The following SIK3 variants were observed in gnomAD, a reference collection of about 807,000 sequenced individuals.
SIK3 encodes the protein serine/threonine-protein kinase SIK3.
In SIK3, 28 loss-of-function variants were observed where a neutral mutation model predicts 144.2. The ratio of observed to expected loss-of-function variants is 0.19; its 90% confidence interval spans 0.14 to 0.27. The LOEUF (loss-of-function observed/expected upper bound fraction) is 0.27, where lower values mean the gene tolerates loss of function less well. SIK3 is among the 10% of genes least tolerant of loss of function. SIK3 has a pLI of 1.00. For synonymous variants in SIK3, 686 were observed against 676.3 expected (o/e 1.01, Z -0.22); for missense variants, 1,319 against 1,776.0 (o/e 0.74, Z 4.62).
At chr11:116,976,298 G>A (rs962868521) in intron 1 of SIK3, among the ~76,000 whole-genome samples, 30 of 152,114 alleles carry the variant, frequency 2.0e-4, no homozygotes. Context: ...AATCAGGAAG[G>A]TTTGCTCGTA....
intron 4 of SIK3, among the ~76,000 whole-genome samples, chr11:116,902,834 T>A (rs938103775): frequency 9.9e-5 from 15 of 152,216 alleles, no homozygotes; most frequent in Non-Finnish European, 4.4e-5. Flanking sequence ...CAGATTCCTT[T>A]AATTACTGAG....
At chr11:116,965,114 A>C (rs1440094520) in intron 1 of SIK3, among the ~76,000 whole-genome samples, 1 of 152,116 alleles carries the variant, frequency 6.6e-6, no homozygotes, top group East Asian at 1.9e-4. Flanking sequence ...AGCAAAGGAA[A>C]TTTTCTGTGA....
chr11:117,022,606 T>C (rs372984383), intron 1 of SIK3, among the ~76,000 whole-genome samples: 59 of 152,148 alleles, frequency 3.9e-4, no homozygotes, highest in African/African-American at 1.4e-3. Context: ...ATAAACCACA[T>C]TCATCAACTA....
intron 1 of SIK3, among the ~76,000 whole-genome samples, chr11:116,993,862 G>A (rs1422756694): frequency 3.9e-5 from 6 of 152,234 alleles, no homozygotes; most frequent in Admixed American, 3.9e-4. Flanking sequence ...CTTACAGCGT[G>A]ACAGCCAAGC....
chr11:117,029,366 A>T (rs1225791274), intron 1 of SIK3, among the ~76,000 whole-genome samples: 2 of 152,164 alleles, frequency 1.3e-5, no homozygotes, highest in African/African-American at 4.8e-5. Context: ...CTGAGGTGGA[A>T]GGATGAATTG....
intron 1 of SIK3, among the ~76,000 whole-genome samples, chr11:116,995,414 C>T (rs1186758812): frequency 1.3e-5 from 2 of 151,910 alleles, no homozygotes; most frequent in East Asian, 3.9e-4. Flanking sequence ...CAGGTGTGCA[C>T]CATCACACCC....
At chr11:117,011,660 G>A (rs1257821700) in intron 1 of SIK3, among the ~76,000 whole-genome samples, 7 of 152,132 alleles carry the variant, frequency 4.6e-5, no homozygotes, top group Non-Finnish European at 1.0e-4. Context: ...AATTCTGCAA[G>A]GTATAGCTGA....
rs188811619 is a variant in SIK3 at position 116,930,332 on chromosome 11, G to A, written c.455-2952C>T. Among the ~76,000 whole-genome samples, 5 of 152,236 alleles carry A rather than the reference G, an allele frequency of 3.3e-5. No individual in the cohort carries two copies. In the East Asian group the frequency reaches 9.7e-4, roughly 29 times the overall value. ...GGGTGTGCCAGGAAGCCAGCAGCCTGCAGTGGTTTTCACTCCCTGCTGAAA... is the reference window on the plus strand; with the variant it reads ...GGGTGTGCCAGGAAGCCAGCAGCCTACAGTGGTTTTCACTCCCTGCTGAAA... On this transcript the variant is annotated intron_variant, in intron 3 of 24. Transcript: ENST00000445177.
chr11:117,004,261 TC>T, intron 1 of SIK3, among the ~76,000 whole-genome samples: 1 of 152,274 alleles, frequency 6.6e-6, no homozygotes, highest in South Asian at 2.1e-4. Context: ...ACACCTGTAA[TC>T]CCAGCATGTT....
chr11:116,887,541 C>G (rs1944887708), intron 6 of SIK3, among the ~76,000 whole-genome samples: 1 of 151,098 alleles, frequency 6.6e-6, no homozygotes, highest in African/African-American at 2.4e-5. Context: ...CACTTGAACC[C>G]AGGAGGCGGA....
chr11:116,854,864 T>C (rs1942750866), intron 21 of SIK3, among the ~76,000 whole-genome samples: 2 of 151,634 alleles, frequency 1.3e-5, no homozygotes, highest in African/African-American at 4.9e-5. Flanking sequence ...GCCGAGGTGG[T>C]TGGATCACTT....
chr11:117,007,135 C>T (rs1476408964), intron 1 of SIK3, among the ~76,000 whole-genome samples: 5 of 152,076 alleles, frequency 3.3e-5, no homozygotes, highest in African/African-American at 9.7e-5. Flanking sequence ...CTCAGCACTT[C>T]GGGAGGCCGA....
At chr11:116,863,006 G>A (rs569338453) in intron 16 of SIK3, among the ~76,000 whole-genome samples, 2 of 151,944 alleles carry the variant, frequency 1.3e-5, no homozygotes, top group African/African-American at 4.8e-5. Context: ...CCCAGGAGGC[G>A]GACGATGCAG....
intron 1 of SIK3, among the ~76,000 whole-genome samples, chr11:117,078,414 C>CT (rs752116300): frequency 0.042 from 5,496 of 131,460 alleles, 413 homozygotes; most frequent in African/African-American, 0.13. Context: ...TGCATAACAC[C>CT]TTTTTTTTTT....
chr11:116,876,164 G>A, intron 8 of SIK3, 89 bp downstream of exon 8: 3 of 1,492,648 alleles, frequency 2.0e-6, no homozygotes, highest in Non-Finnish European at 2.8e-6. Context: ...GGAAAAAAAA[G>A]GCCCAAGTTC....
chr11:117,056,522 A>T (rs1459043979), intron 1 of SIK3, among the ~76,000 whole-genome samples: 1 of 150,296 alleles, frequency 6.7e-6, no homozygotes, highest in Non-Finnish European at 1.5e-5. Context: ...CTTAAAGTAT[A>T]ATAAAAATAT....
intron 16 of SIK3, among the ~76,000 whole-genome samples, chr11:116,862,883 T>C (rs1157187753): frequency 1.3e-5 from 2 of 152,112 alleles, no homozygotes; most frequent in Non-Finnish European, 2.9e-5. Flanking sequence ...AGACATAGCC[T>C]GGTCAACATG....
intron 21 of SIK3, among the ~76,000 whole-genome samples, chr11:116,856,193 T>A (rs1293171606): frequency 9.5e-6 from 1 of 104,926 alleles, no homozygotes; most frequent in Non-Finnish European, 2.4e-5. Context: ...CAAGACTCCG[T>A]CTCAAAAAAA....
At chr11:116,879,938 G>A (rs1055305328) in intron 6 of SIK3, among the ~76,000 whole-genome samples, 4 of 152,176 alleles carry the variant, frequency 2.6e-5, no homozygotes, top group Non-Finnish European at 1.5e-5. Context: ...GGACAAAAGT[G>A]TTCTTAATTT....
Sources: allele counts gnomAD v4.1 joint callset (sites outside exome capture counted in the v4.1 genomes callset), GRCh38; gene constraint gnomAD v4.1.1; transcripts MANE v1.5; gene names NCBI Gene and HGNC (gene_info 2026-07-23, HGNC 2026-07-21).